Variants in PKP4 observed in about 807,000 individuals in gnomAD.
The protein encoded by PKP4 is plakophilin-4.
PKP4 carries 90 observed loss-of-function variants against 145.1 expected under a neutral mutation model. The ratio of observed to expected loss-of-function variants is 0.62; its 90% CI spans 0.52 to 0.74. The LOEUF is 0.74. PKP4 is among the 30% of genes least tolerant of loss of function. The pLI, the probability that PKP4 is intolerant of heterozygous loss-of-function variation, is 0.00. For synonymous variants in PKP4, 563 were observed against 577.2 expected, an observed-to-expected ratio of 0.98 and a Z score of 0.35; for missense variants, 1,340 against 1,482.7, an observed-to-expected ratio of 0.90 and a Z score of 1.58.
intron 8 of PKP4, 87 bp downstream of exon 8, chr2:158,632,028 G>T (rs1429290209): frequency 1.6e-6 from 2 of 1,224,146 alleles, no homozygotes; most frequent in Non-Finnish European, 2.4e-6. Flanking sequence ...CCTGTTAGAA[G>T]GAAATCATGT....
chr2:158,534,758 A>G (rs957581856), intron 2 of PKP4, among the ~76,000 whole-genome samples: 4 of 152,198 alleles, frequency 2.6e-5, no homozygotes, highest in African/African-American at 9.7e-5. Flanking sequence ...AAATAAGGAA[A>G]CTTGTTAAGA....
chr2:158,557,506 G>A (rs1031940239), intron 2 of PKP4, among the ~76,000 whole-genome samples: 2 of 152,144 alleles, frequency 1.3e-5, no homozygotes, highest in African/African-American at 4.8e-5. Flanking sequence ...AAATGTTGCT[G>A]TTCTTAAATC....
At chr2:158,640,847 G>A (rs1220771891) in intron 10 of PKP4, 88 bp downstream of exon 10, 4 of 1,406,670 alleles carry the variant, frequency 2.8e-6, no homozygotes, top group African/African-American at 2.8e-5. Flanking sequence ...AAATTACCCA[G>A]TGTAATTCAA....
At chr2:158,561,138 A>G (rs1157338023) in intron 2 of PKP4, among the ~76,000 whole-genome samples, 2 of 152,198 alleles carry the variant, frequency 1.3e-5, no homozygotes, top group Admixed American at 6.5e-5. Context: ...TTCCATATAT[A>G]TTATAAAATC....
At position 158,478,710 on chromosome 2, in the gene PKP4, G is replaced by A. The variant is rs151092316; in HGVS notation, c.-6+21492G>A. 4.5e-3 allele frequency among the ~76,000 whole-genome samples: 685 copies of A among 152,278 alleles called. 2 individuals are homozygous for A. Among genetic ancestry groups the A allele is most frequent in the Admixed American group, 8.5e-3 (130 of 15,294 alleles). ...AACTTTTATTGTAAATGAAACTGAT[G>A]AACACTAATGATAATTAAACTTTTT... is the stretch of plus-strand genomic sequence containing the variant. On this transcript the variant is annotated intron_variant, in intron 1 of 21. Coordinates refer to ENST00000389759, the MANE Select transcript of PKP4 (RefSeq NM_003628.6).
At chr2:158,620,865 C>G (rs2052161126) in intron 4 of PKP4, 125 bp from the exon 5 acceptor site, 1 of 733,894 alleles carries the variant, frequency 1.4e-6, no homozygotes, top group Non-Finnish European at 2.3e-6. Flanking sequence ...GCTGTGTAAG[C>G]TGAAAATAAT....
rs200630217 is a variant in PKP4, at chr2:158,534,378, AT to A, written c.132+1071del. Among the ~76,000 whole-genome samples, 422 of 151,788 alleles carry A rather than the reference AT, an allele frequency of 2.8e-3. 3 individuals carry two copies. The highest frequency in any genetic ancestry group is 0.022 in the East Asian group (115 of 5,172). Reference sequence around the variant, plus strand: ...TTTATTCTAGTAACAAGATGTCAACATTTTTTTTTATTCCTCAATGAAATTT... The same window carrying A: ...TTTATTCTAGTAACAAGATGTCAACATTTTTTTTATTCCTCAATGAAATTT... On this transcript the variant is annotated intron_variant, in intron 2 of 21. Coordinates refer to ENST00000389759, the MANE Select transcript of PKP4 (RefSeq NM_003628.6).
intron 3 of PKP4, among the ~76,000 whole-genome samples, chr2:158,600,841 T>C (rs1171945316): frequency 1.3e-5 from 2 of 152,192 alleles, no homozygotes; most frequent in Non-Finnish European, 2.9e-5. Context: ...TTATATATGG[T>C]ACCTTAAATG....
chr2:158,671,327 T>C (rs1047399489), intron 17 of PKP4, among the ~76,000 whole-genome samples: 26 of 152,266 alleles, frequency 1.7e-4, no homozygotes, highest in African/African-American at 6.3e-4. Flanking sequence ...CTTTCAGTCT[T>C]TTTTTTAAAT....
chr2:158,637,702 AAC>A (rs1246450480), intron 9 of PKP4, among the ~76,000 whole-genome samples: 1 of 152,202 alleles, frequency 6.6e-6, no homozygotes, highest in Non-Finnish European at 1.5e-5. Context: ...AGGGTCTAAA[AAC>A]AGTTTTCTCC....
At position 158,459,789 on chromosome 2, in the gene PKP4, TCACA is replaced by T. The variant is rs3047993; in HGVS notation, c.-6+2591_-6+2594del. 7.5e-3 allele frequency among the ~76,000 whole-genome samples: 1,123 copies of T among 148,798 alleles called. 11 individuals are homozygous for T. Among genetic ancestry groups the T allele is most frequent in the African/African-American group, 0.026 (1,037 of 40,662 alleles). On this transcript the variant is annotated intron_variant, in intron 1 of 21. Transcript: ENST00000389759. ...TGAAAACCCTGTTCAGATGTATGGA[TCACA>T]CACACACACACACACACACGACACA...
intron 1 of PKP4, among the ~76,000 whole-genome samples, chr2:158,528,278 A>C (rs2043144504): frequency 6.7e-6 from 1 of 149,690 alleles, no homozygotes; most frequent in South Asian, 2.2e-4. Context: ...AAAACGTGGC[A>C]CATATACACC....
At chr2:158,640,454 G>A (rs576478678) in intron 9 of PKP4, among the ~76,000 whole-genome samples, 173 bp from the exon 10 acceptor site, 30 of 152,286 alleles carry the variant, frequency 2.0e-4, no homozygotes, top group Admixed American at 3.3e-4. Context: ...AAGCATCTGG[G>A]CCTCTGCATA....
At chr2:158,662,828 G>A in intron 13 of PKP4, 69 bp from the exon 14 acceptor site, 3 of 1,226,576 alleles carry the variant, frequency 2.4e-6, no homozygotes, top group East Asian at 2.4e-5. Flanking sequence ...TGTCTGTAGT[G>A]TTCAGTACAG....
At chr2:158,648,124 G>A (rs542611675) in intron 11 of PKP4, among the ~76,000 whole-genome samples, 2 of 152,240 alleles carry the variant, frequency 1.3e-5, no homozygotes, top group African/African-American at 4.8e-5. Flanking sequence ...AGTAGCCTTT[G>A]TTCTTCGGTA....
chr2:158,619,503 GTTTAGAATGCAGTGGGATT>G (rs1353976396), intron 4 of PKP4, among the ~76,000 whole-genome samples: 1 of 152,200 alleles, frequency 6.6e-6, no homozygotes, highest in Non-Finnish European at 1.5e-5. Context: ...CAAGTTAAAG[GTTTAGAATGCAGTGGGATT>G]TCCCACTTCT....
At chr2:158,551,115 C>T (rs985784139) in intron 2 of PKP4, among the ~76,000 whole-genome samples, 2 of 152,146 alleles carry the variant, frequency 1.3e-5, no homozygotes, top group African/African-American at 2.4e-5. Flanking sequence ...TAATGTAACT[C>T]TGATTTGCTT....
chr2:158,673,042 T>A (rs2106013106), intron 17 of PKP4, among the ~76,000 whole-genome samples: 1 of 152,270 alleles, frequency 6.6e-6, no homozygotes, highest in African/African-American at 2.4e-5. Context: ...CAGTTACTGG[T>A]GAGGCCACTG....
In PKP4 at chr2:158,673,971, A is replaced by G. The variant is rs1296097105; in HGVS notation, c.3098A>G (p.Asn1033Ser). The G allele has an allele frequency of 1.2e-6, 2 of 1,606,452 alleles. No homozygotes were observed. Among genetic ancestry groups the G allele is most frequent in the Admixed American group, 1.7e-5 (1 of 60,026 alleles). The change falls in exon 19 of 22, where the codon AAC becomes AGC. Residue 1033 changes from asparagine (N) to serine (S), a missense_variant. Coordinates refer to ENST00000389759, the MANE Select transcript of PKP4 (RefSeq NM_003628.6). Reference sequence around the variant, plus strand: ...TCACATCCTTCCTTGTCTACCACCAACCAACAGATGTCACCCATCATTCAG... The same window carrying G: ...TCACATCCTTCCTTGTCTACCACCAGCCAACAGATGTCACCCATCATTCAG... ...FKSHPSLSTT[N>S]QQMSPIIQSV...
Sources: gnomAD v4.1 joint callset for allele counts (sites outside exome capture counted in the v4.1 genomes callset) on GRCh38, gnomAD v4.1.1 for gene constraint, MANE v1.5 for transcripts, NCBI Gene and HGNC (gene_info 2026-07-23, HGNC 2026-07-21) for gene names.